The following C12orf42 variants were observed in gnomAD, a reference collection of about 807,000 sequenced individuals.
C12orf42 encodes the protein uncharacterized protein C12orf42.
A neutral mutation model predicts 21.6 loss-of-function variants in C12orf42; 25 were observed. The ratio of observed to expected loss-of-function variants is 1.16; its 90% confidence interval spans 0.84 to 1.62. The LOEUF is 1.62. Ranked by LOEUF, C12orf42 falls within the 40% of genes most tolerant of loss-of-function variation. The pLI is 0.00. For missense variants in C12orf42, 483 were observed against 459.3 expected, an observed-to-expected ratio of 1.05 and a Z score of -0.47; for synonymous variants, 174 against 175.0, an observed-to-expected ratio of 0.99 and a Z score of 0.05.
chr12:103,059,124 AT>A, the C12orf42 span, among the ~76,000 whole-genome samples: 1 of 152,194 alleles, frequency 6.6e-6, no homozygotes, highest in Non-Finnish European at 1.5e-5. Context: ...AATAAACACA[AT>A]AAAAATGATA....
rs749460532 is a variant in C12orf42, at chr12:103,302,101, G to A, written c.*7C>T. On this transcript the variant is annotated 3_prime_UTR_variant, in exon 6 of 6. Coordinates refer to ENST00000548883, the MANE Select transcript of C12orf42 (RefSeq NM_198521.5). ...GCAGCACTCGCCGAACAATTCCCTC[G>A]CAGCGGTCAATGTAAGTGAGCATTC... 4 of 1,606,150 alleles carry A rather than the reference G, an allele frequency of 2.5e-6. No homozygotes were observed. Among genetic ancestry groups the A allele is most frequent in the East Asian group, 4.5e-5 (2 of 44,848 alleles).
the C12orf42 span, among the ~76,000 whole-genome samples, chr12:103,213,413 G>C: frequency 6.6e-6 from 1 of 152,162 alleles, no homozygotes; most frequent in African/African-American, 2.4e-5. Context: ...ACAGAGATTA[G>C]GCATCTCTCC....
At chr12:103,301,949 G>A (rs1593333516), downstream of C12orf42, 1 of 819,622 alleles carries the variant, frequency 1.2e-6, no homozygotes, top group Admixed American at 3.2e-5. Context: ...TTTTGGCTGC[G>A]CTAGGGACTT....
intron 10 of C12orf42, among the ~76,000 whole-genome samples, chr12:103,259,267 A>G (rs1440756799): frequency 6.6e-6 from 1 of 152,152 alleles, no homozygotes; most frequent in Admixed American, 6.5e-5. Flanking sequence ...TCCTAGAGTC[A>G]ATTTGTTGTC....
rs1244887035 is a variant in C12orf42 at position 103,306,320 on chromosome 12, T to C, written c.285A>G (p.Ser95=). The C allele has an allele frequency of 1.2e-6, 2 of 1,608,374 alleles. No homozygotes were observed. Among genetic ancestry groups the C allele is most frequent in the Non-Finnish European group, 1.7e-6 (2 of 1,177,212 alleles). ...TATGAAGTAGTCTTTTACACGCCAT[T>C]GAATTTTGAGTCCTTTCTGGAAATA... ...FPVFPERTQN[S]MACKRLLHTC... is the part of the protein sequence containing the mutation. Residue 95 remains serine (S), a synonymous_variant, in exon 5 of 6, where the codon TCA becomes TCG. Transcript: ENST00000548883.
At chr12:103,386,465 T>C (rs2046617989) in intron 3 of C12orf42, among the ~76,000 whole-genome samples, 2 of 152,178 alleles carry the variant, frequency 1.3e-5, no homozygotes, top group Admixed American at 1.3e-4. Flanking sequence ...CCCAAAATGC[T>C]AACTCCTAAA....
chr12:103,391,065 T>G (rs1471126858), intron 3 of C12orf42, among the ~76,000 whole-genome samples: 3 of 152,208 alleles, frequency 2.0e-5, no homozygotes, highest in Non-Finnish European at 2.9e-5. Flanking sequence ...TATTTGCTCT[T>G]TCGTGTCTGG....
chr12:103,316,731 T>C (rs149366506), intron 4 of C12orf42, among the ~76,000 whole-genome samples: 2,868 of 152,012 alleles, frequency 0.019, 41 homozygotes, highest in Non-Finnish European at 0.03. Context: ...CTCACTAGAA[T>C]GTAAGCCCCA....
At chr12:103,545,676 G>C in the C12orf42 span, among the ~76,000 whole-genome samples, 6 of 152,140 alleles carry the variant, frequency 3.9e-5, no homozygotes, top group Admixed American at 1.3e-4. Context: ...AAAGAAATTG[G>C]CCCAATGATC....
chr12:103,492,836 A>G (rs912390157), intron 1 of C12orf42, among the ~76,000 whole-genome samples: 5 of 152,010 alleles, frequency 3.3e-5, no homozygotes, highest in African/African-American at 1.2e-4. Flanking sequence ...CCACACCCCC[A>G]TCTTGATTCT....
chr12:103,227,371 TAAG>T, the C12orf42 span, among the ~76,000 whole-genome samples: 1 of 147,210 alleles, frequency 6.8e-6, no homozygotes, highest in Admixed American at 6.8e-5. Context: ...GGTGAGGAAA[TAAG>T]GGATTGGGGT....
downstream of C12orf42, among the ~76,000 whole-genome samples, chr12:103,234,068 T>C (rs1456889543): frequency 6.6e-6 from 1 of 152,226 alleles, no homozygotes; most frequent in Non-Finnish European, 1.5e-5. Flanking sequence ...TGATATGTTA[T>C]GTAGATTTTC....
At chr12:103,242,502 C>T (rs1361708823) in intron 10 of C12orf42, among the ~76,000 whole-genome samples, 1 of 152,010 alleles carries the variant, frequency 6.6e-6, no homozygotes, top group Non-Finnish European at 1.5e-5. Context: ...TTCACCCTGT[C>T]TTTTTAAAAA....
intron 5 of C12orf42, among the ~76,000 whole-genome samples, chr12:103,305,447 A>G (rs946214091): frequency 6.6e-6 from 1 of 152,166 alleles, no homozygotes; most frequent in Non-Finnish European, 1.5e-5. Context: ...CTGCAAAAAC[A>G]TTTTTGAGAC....
At chr12:103,522,095 C>T in the C12orf42 span, among the ~76,000 whole-genome samples, 1 of 152,136 alleles carries the variant, frequency 6.6e-6, no homozygotes, top group African/African-American at 2.4e-5. Flanking sequence ...TTGCAATAAT[C>T]CCCACATGTC....
the C12orf42 span, among the ~76,000 whole-genome samples, chr12:103,193,188 C>A: frequency 3.3e-5 from 5 of 151,150 alleles, 1 homozygote; most frequent in Admixed American, 1.3e-4. Context: ...TATCTTCAGA[C>A]GAACAAAAAT....
the C12orf42 span, among the ~76,000 whole-genome samples, chr12:103,112,184 C>T: frequency 1.3e-5 from 2 of 152,136 alleles, no homozygotes; most frequent in African/African-American, 4.8e-5. Flanking sequence ...AGGTAGGAGG[C>T]CTGGCCAGGA....
chr12:103,056,945 G>A, the C12orf42 span, among the ~76,000 whole-genome samples: 1 of 152,062 alleles, frequency 6.6e-6, no homozygotes, highest in Non-Finnish European at 1.5e-5. Flanking sequence ...AAAGATGGCT[G>A]CTTTTAAATT....
chr12:103,193,250 A>C, the C12orf42 span, among the ~76,000 whole-genome samples: 1 of 151,888 alleles, frequency 6.6e-6, no homozygotes, highest in African/African-American at 2.4e-5. Flanking sequence ...ATTAAGAGAA[A>C]ATTTATAGTG....
Sources: allele counts gnomAD v4.1 joint callset (sites outside exome capture counted in the v4.1 genomes callset), GRCh38; gene constraint gnomAD v4.1.1; transcripts MANE v1.5; gene names NCBI Gene and HGNC (gene_info 2026-07-23, HGNC 2026-07-21).